TNS1: variants seen among roughly 807,000 people sequenced by gnomAD.
TNS1 encodes the protein tensin-1.
Under a neutral mutation model 168.6 loss-of-function variants are expected in TNS1, and 62 were observed. That is an observed-to-expected ratio of 0.37 (90% CI 0.30 to 0.45). TNS1 has a LOEUF of 0.45. Among genes scored for constraint, TNS1 ranks in the 20% least tolerant of loss-of-function variants. The pLI is 1.00. For synonymous variants in TNS1, 934 were observed against 933.2 expected, an observed-to-expected ratio of 1.00 and a Z score of -0.02; for missense variants, 2,240 against 2,339.4, an observed-to-expected ratio of 0.96 and a Z score of 0.88.
intron 19 of TNS1, among the ~76,000 whole-genome samples, chr2:217,845,544 T>C (rs1034739973): frequency 6.6e-6 from 1 of 152,176 alleles, no homozygotes; most frequent in Non-Finnish European, 1.5e-5. Flanking sequence ...AATATAAGTG[T>C]CCCCTCTATA....
upstream of TNS1, among the ~76,000 whole-genome samples, chr2:218,007,776 C>G (rs1366328279): frequency 6.6e-6 from 1 of 152,152 alleles, no homozygotes; most frequent in Non-Finnish European, 1.5e-5. Flanking sequence ...ACCCCTCACC[C>G]TCATACACCT....
At position 218,032,757 on chromosome 2, in the gene TNS1, G is replaced by A. The variant is rs1416597279; in HGVS notation, c.156+1063C>T. ...AGCAGCAACCCTCACTGGAGCCAGA[G>A]TCAGGGCACAGCAGCTGGGATGGAG... On this transcript the variant is annotated intron_variant, in intron 1 of 1. Coordinates refer to the TNS1 transcript ENST00000649572. The surrounding 1 kb of genome is among the most constrained non-coding windows in gnomAD (Gnocchi z 4.0). 1.3e-5 allele frequency among the ~76,000 whole-genome samples: 2 copies of A among 152,196 alleles called. No individual in the cohort carries two copies. The highest frequency in any genetic ancestry group is 1.3e-4 in the Admixed American group (2 of 15,288).
chr2:217,969,993 T>C (rs898634171), intron 3 of TNS1, among the ~76,000 whole-genome samples: 1 of 151,544 alleles, frequency 6.6e-6, no homozygotes, highest in African/African-American at 2.4e-5. Flanking sequence ...TCTATGACAG[T>C]TCCTGATAAA....
At position 217,804,289 on chromosome 2, in the gene TNS1, T is replaced by TCTCTCTC. The variant is rs71057580; in HGVS notation, c.*169_*170insGAGAGAG. 1.0e-5 allele frequency: 7 copies of TCTCTCTC among 700,674 alleles called. No individual in the cohort carries two copies. The highest frequency in any genetic ancestry group is 5.5e-5 in the African/African-American group (3 of 54,250). The allele number at this position is 700,674 out of a possible 1,614,324, so 43.4% of individuals were successfully genotyped here. Reference sequence around the variant, plus strand: ...CTCTCTCTCTCTCTCTCTCTCTCTCTTTTCCCCCTCCCCTCTGCAATTCAC... The same window carrying TCTCTCTC: ...CTCTCTCTCTCTCTCTCTCTCTCTCTCTCTCTCTTTCCCCCTCCCCTCTGCAATTCAC... On this transcript the variant is annotated 3_prime_UTR_variant, in exon 33 of 33. Transcript: ENST00000682258.
At chr2:217,917,904 A>G (rs1298496058) in intron 4 of TNS1, among the ~76,000 whole-genome samples, 1 of 151,036 alleles carries the variant, frequency 6.6e-6, no homozygotes, top group Non-Finnish European at 1.5e-5. Context: ...CATTCCAGGC[A>G]GGGGGAATAG....
chr2:217,892,578 G>A (rs2125707199), intron 11 of TNS1, among the ~76,000 whole-genome samples: 1 of 152,320 alleles, frequency 6.6e-6, no homozygotes, highest in South Asian at 2.1e-4. Context: ...CTTCTAGACT[G>A]TTTTGCCAGA....
In TNS1 at chr2:217,961,468, A is replaced by G. The variant is rs1957495395; in HGVS notation, c.186+17297T>C. 3.3e-5 allele frequency among the ~76,000 whole-genome samples: 5 copies of G among 152,088 alleles called. No homozygotes were observed. The South Asian group carries it at 1.0e-3, about 32-fold the overall frequency. On this transcript the variant is annotated intron_variant, in intron 3 of 32. Transcript: ENST00000682258. ...TGAAAACTCCAGGTCCAAGTCCTGA[A>G]AGTACCTGAAGCCAAGCCCTTGGCT...
intron 18 of TNS1, chr2:217,859,230 A>G (rs1948553429): frequency 5.4e-6 from 1 of 184,522 alleles, no homozygotes; most frequent in Admixed American, 5.8e-5. Flanking sequence ...GAGAGGTCCT[A>G]TGAGGGTATT....
chr2:217,838,592 G>A (rs1291024355), intron 19 of TNS1, among the ~76,000 whole-genome samples: 1 of 152,222 alleles, frequency 6.6e-6, no homozygotes, highest in African/African-American at 2.4e-5. Context: ...CACTCCCACG[G>A]GGCCAGCCCC....
chr2:218,033,884 G>T lies in TNS1; in HGVS notation c.92C>A (p.Ala31Glu), dbSNP rs902094302. The change falls in exon 1 of 2, where the codon GCG becomes GAG. Residue 31 changes from alanine (A) to glutamate (E), a missense_variant. Ala to Glu is a moderately radical substitution (Grantham distance 107). Coordinates refer to the TNS1 transcript ENST00000649572. The surrounding 1 kb of genome is among the most constrained non-coding windows in gnomAD (Gnocchi z 4.3). The stretch of plus-strand genomic sequence containing the variant: ...CCCGGACTCCCAGCACTCAGCCCGC[G>T]CCGAGACCCAGGGACTCCCCGGGGG... Among the ~76,000 whole-genome samples, 1 of 152,130 alleles carries T rather than the reference G, an allele frequency of 6.6e-6. No homozygotes were observed. Among genetic ancestry groups the T allele is most frequent in the South Asian group, 2.1e-4 (1 of 4,822 alleles).
intron 3 of TNS1, among the ~76,000 whole-genome samples, chr2:217,931,316 G>T (rs190802964): frequency 2.0e-5 from 3 of 152,170 alleles, no homozygotes; most frequent in Non-Finnish European, 4.4e-5. Flanking sequence ...AAACTTGAAG[G>T]GACAAAAGTC....
intron 1 of TNS1, among the ~76,000 whole-genome samples, chr2:218,008,755 A>C (rs1468660052): frequency 6.6e-6 from 1 of 152,168 alleles, no homozygotes; most frequent in Non-Finnish European, 1.5e-5. Context: ...GGAGCAGAAG[A>C]ATCCTTCCCA....
At chr2:217,831,627 C>T in intron 21 of TNS1, 80 bp from the exon 22 acceptor site, 1 of 1,173,590 alleles carries the variant, frequency 8.5e-7, no homozygotes. Flanking sequence ...TGAGGGCACG[C>T]TTAGTGAGGG....
At chr2:217,899,601 C>G (rs1952711971) in intron 7 of TNS1, among the ~76,000 whole-genome samples, 1 of 152,202 alleles carries the variant, frequency 6.6e-6, no homozygotes, top group African/African-American at 2.4e-5. Context: ...TCCCTCAGCA[C>G]AGGAAGGGGA....
chr2:218,022,664 C>A (rs1411513250), intron 1 of TNS1, among the ~76,000 whole-genome samples: 1 of 151,494 alleles, frequency 6.6e-6, no homozygotes, highest in Non-Finnish European at 1.5e-5. Flanking sequence ...GGGGGAGGGG[C>A]AGAGGGGAGC....
rs564618959 is a variant in TNS1, at chr2:217,818,028, T to C, written c.4304A>G (p.Asp1435Gly). Reference sequence around the variant, plus strand: ...CTGCCGGGACAGTGTGGGTCTCCGATCCTCCGGGGTAGAATAGCCACCATA... The same window carrying C: ...CTGCCGGGACAGTGTGGGTCTCCGACCCTCCGGGGTAGAATAGCCACCATA... ...VAYGGYSTPE[D>G]RRPTLSRQSS... Residue 1435 changes from aspartate to glycine, a missense_variant, in exon 24 of 33, where the codon GAT becomes GGT. Asp to Gly is a moderately conservative substitution (Grantham distance 94, BLOSUM62 -1). This residue lies in a region of TNS1 where 2,131 missense variants were observed against 2,171.2 expected (regional missense o/e 0.98). Transcript: ENST00000682258. 2 of 1,599,786 alleles carry C rather than the reference T, an allele frequency of 1.3e-6. No homozygotes were observed. The highest frequency in any genetic ancestry group is 4.5e-5 in the East Asian group (2 of 44,320).
rs1221051583 is a variant in TNS1 at position 217,915,394 on chromosome 2, C to T, written c.228+4801G>A. Among the ~76,000 whole-genome samples the T allele has an allele frequency of 2.0e-5, 3 of 152,334 alleles. No homozygotes were observed. The East Asian group carries it at 5.8e-4, about 29-fold the overall frequency. ...GATGGGACTAGATAGCGTCCAAAGT[C>T]CTCTCCACCCTGTGGCTCCAGGTCT... On this transcript the variant is annotated intron_variant, in intron 4 of 32. Transcript: ENST00000682258.
intron 16 of TNS1, among the ~76,000 whole-genome samples, chr2:217,884,066 CT>C (rs1232896933): frequency 1.5e-5 from 2 of 136,980 alleles, no homozygotes; most frequent in African/African-American, 5.6e-5. Context: ...TGACTTCTTT[CT>C]GTTCATATCT....
chr2:217,819,031 C>T (rs981726038), intron 23 of TNS1, among the ~76,000 whole-genome samples: 4 of 152,218 alleles, frequency 2.6e-5, no homozygotes, highest in Non-Finnish European at 1.5e-5. Context: ...AAGCCCACGT[C>T]TTCCCCACTG....
Sources: gnomAD v4.1 joint callset for allele counts (sites outside exome capture counted in the v4.1 genomes callset) on GRCh38, gnomAD v4.1.1 for gene constraint, gnomAD v4.1.1 regional missense constraint, Gnocchi (gnomAD v3.1) non-coding constraint, MANE v1.5 for transcripts, NCBI Gene and HGNC (gene_info 2026-07-23, HGNC 2026-07-21) for gene names.